The following PDE12 variants were observed in gnomAD, a reference collection of about 807,000 sequenced individuals.
PDE12 encodes the protein phosphodiesterase 12, also known as 2',5'-phosphodiesterase 12.
A neutral mutation model predicts 45.4 loss-of-function variants in PDE12; 26 were observed. The ratio of observed to expected loss-of-function variants is 0.57; its 90% CI spans 0.42 to 0.79. The LOEUF (loss-of-function observed/expected upper bound fraction) is 0.79. Among genes scored for constraint, PDE12 ranks in the 30% least tolerant of loss-of-function variants. PDE12 has a pLI of 0.00. For missense variants in PDE12, 668 were observed against 790.0 expected, an observed-to-expected ratio of 0.85 and a Z score of 1.85; for synonymous variants, 283 against 323.9, an observed-to-expected ratio of 0.87 and a Z score of 1.36.
the PDE12 span, among the ~76,000 whole-genome samples, chr3:57,606,372 A>G: frequency 1.3e-5 from 2 of 152,178 alleles, no homozygotes; most frequent in African/African-American, 4.8e-5. Context: ...CTAGAAATCT[A>G]TGTCCAGCAA....
the PDE12 span, among the ~76,000 whole-genome samples, chr3:57,608,656 G>C: frequency 6.6e-6 from 1 of 151,914 alleles, no homozygotes; most frequent in African/African-American, 2.4e-5. Flanking sequence ...ATTACATAAT[G>C]GTAAAGGGAT....
At chr3:57,575,760 AAAT>A in the PDE12 span, 202 of 1,361,446 alleles carry the variant, frequency 1.5e-4, no homozygotes, top group South Asian at 2.9e-3. Flanking sequence ...ACTCAGCATT[AAAT>A]ACATTATTAA....
chr3:57,613,211 G>C, the PDE12 span, among the ~76,000 whole-genome samples: 1 of 150,538 alleles, frequency 6.6e-6, no homozygotes, highest in Non-Finnish European at 1.5e-5. Flanking sequence ...AAACTCCTGA[G>C]CTCAGGCAAT....
rs2069787277 is a variant in PDE12, at chr3:57,566,440, A to G, written c.*6436A>G. The G allele has an allele frequency of 6.6e-6, 1 of 152,160 alleles. No homozygotes were observed. The highest frequency in any genetic ancestry group is 2.4e-5 in the African/African-American group (1 of 41,422). The allele number at this position is 152,160 out of a possible 1,614,324, so 9.4% of individuals were successfully genotyped here. A position where few individuals can be genotyped will look rare whatever the true frequency, so the allele number is the denominator to read the frequency against. Reference sequence around the variant, plus strand: ...TTCTATGAATAATGCTGCCATAAACATTTGTGATAAGTTTTTGAGTGAATA... The same window carrying G: ...TTCTATGAATAATGCTGCCATAAACGTTTGTGATAAGTTTTTGAGTGAATA... On this transcript the variant is annotated 3_prime_UTR_variant, in exon 3 of 3. Transcript: ENST00000311180.
Position 57,562,461 on chromosome 3 carries a change from A to T in PDE12, c.*2457A>T, listed in dbSNP as rs2069737918. 2 of 152,234 alleles carry T rather than the reference A, an allele frequency of 1.3e-5. No individual in the cohort carries two copies. The highest frequency in any genetic ancestry group is 1.3e-4 in the Admixed American group (2 of 15,274). The allele number at this position is 152,234 out of a possible 1,614,324, so 9.4% of individuals were successfully genotyped here. A position where few individuals can be genotyped will look rare whatever the true frequency, so the allele number is the denominator to read the frequency against. On this transcript the variant is annotated 3_prime_UTR_variant, in exon 3 of 3. Coordinates refer to ENST00000311180, the MANE Select transcript of PDE12 (RefSeq NM_177966.7). ...AAGGTAGGGAACACTAAGAAAATGTATAAATAGCATACACATTTCTTTGTA... is the reference window on the plus strand; with the variant it reads ...AAGGTAGGGAACACTAAGAAAATGTTTAAATAGCATACACATTTCTTTGTA...
At chr3:57,630,981 A>G in the PDE12 span, 2 of 1,610,332 alleles carry the variant, frequency 1.2e-6, no homozygotes, top group Non-Finnish European at 1.7e-6. Context: ...TATCTTTCCT[A>G]AAACCAAGAA....
chr3:57,557,131 C>G lies in PDE12; in HGVS notation c.752C>G (p.Thr251Ser), dbSNP rs777571624. Residue 251 changes from threonine (T) to serine (S), a missense_variant, in exon 1 of 3, where the codon ACC (threonine) becomes AGC (serine). Physicochemically the swap from Thr to Ser is moderately conservative, Grantham distance 58 (BLOSUM62 1). This residue lies in a region of PDE12 where 580 missense variants were observed against 662.9 expected (regional missense o/e 0.87). Coordinates refer to ENST00000311180, the MANE Select transcript of PDE12 (RefSeq NM_177966.7). ...DIGLRLKLHC[T>S]PGDGQRFGHS... ...GGGCTAAGGCTCAAGCTTCACTGCA[C>G]CCCAGGCGATGGGCAGCGCTTTGGG... 6.2e-7 allele frequency: 1 copy of G among 1,614,068 alleles called. No homozygotes were observed. Among genetic ancestry groups the G allele is most frequent in the Admixed American group, 1.7e-5 (1 of 60,006 alleles).
chr3:57,655,516 T>A, the PDE12 span, among the ~76,000 whole-genome samples: 1 of 152,190 alleles, frequency 6.6e-6, no homozygotes, highest in Non-Finnish European at 1.5e-5. Flanking sequence ...TCCAAAAGGT[T>A]TTGAGCATTG....
chr3:57,622,255 CATA>C, the PDE12 span, among the ~76,000 whole-genome samples: 1 of 152,080 alleles, frequency 6.6e-6, no homozygotes, highest in South Asian at 2.1e-4. Context: ...TAGGAAGTTA[CATA>C]ATAAGCAAAA....
chr3:57,651,268 C>T, the PDE12 span, among the ~76,000 whole-genome samples: 14 of 152,154 alleles, frequency 9.2e-5, no homozygotes, highest in African/African-American at 3.4e-4. Context: ...ATATCAAAAA[C>T]GCACTTTCAA....
chr3:57,645,536 C>A, the PDE12 span: 1 of 569,304 alleles, frequency 1.8e-6, no homozygotes, highest in South Asian at 2.8e-5. Flanking sequence ...AAATTATTTC[C>A]AGCAGCTCCT....
At chr3:57,591,658 G>T in the PDE12 span, among the ~76,000 whole-genome samples, 7 of 151,936 alleles carry the variant, frequency 4.6e-5, no homozygotes, top group Admixed American at 4.6e-4. Context: ...GTATAGATGG[G>T]GTTTCACTAT....
chr3:57,626,617 G>C, the PDE12 span: 1 of 152,070 alleles, frequency 6.6e-6, no homozygotes, highest in South Asian at 2.1e-4. Flanking sequence ...GCTGAGGCAG[G>C]ACAATCACTT....
chr3:57,578,768 G>A, the PDE12 span, among the ~76,000 whole-genome samples: 5 of 152,026 alleles, frequency 3.3e-5, no homozygotes, highest in African/African-American at 4.8e-5. Context: ...CATGAGCCAT[G>A]GCACCTGGCC....
rs994291709 is a variant in PDE12, at chr3:57,564,983, C to T, written c.*4979C>T. ...GACATGAGCCACCCCACCCAGTCAG[C>T]ACACATTTTTTTTTTTTTTAAATAA... On this transcript the variant is annotated 3_prime_UTR_variant, in exon 3 of 3. Transcript: ENST00000311180. 6 of 151,474 alleles carry T rather than the reference C, an allele frequency of 4.0e-5. No homozygotes were observed. Among genetic ancestry groups the T allele is most frequent in the African/African-American group, 1.5e-4 (6 of 41,100 alleles). The allele number at this position is 151,474 out of a possible 1,614,324, so 9.4% of individuals were successfully genotyped here.
chr3:57,583,142 T>C, the PDE12 span, among the ~76,000 whole-genome samples: 2 of 152,178 alleles, frequency 1.3e-5, no homozygotes, highest in Non-Finnish European at 2.9e-5. Context: ...ACCAGACCAG[T>C]AGTATCAGCA....
At position 57,556,878 on chromosome 3, in the gene PDE12, C is replaced by G. The variant is rs2069667891; in HGVS notation, c.499C>G (p.Leu167Val). The G allele has an allele frequency of 5.0e-6, 8 of 1,614,052 alleles. No homozygotes were observed. The Admixed American group carries it at 1.3e-4, about 27-fold the overall frequency. Residue 167 changes from leucine (L) to valine (V), a missense_variant, in exon 1 of 3, where the codon CTG becomes GTG. This residue lies in a region of PDE12 where 580 missense variants were observed against 662.9 expected (regional missense o/e 0.87). Coordinates refer to ENST00000311180, the MANE Select transcript of PDE12 (RefSeq NM_177966.7). This position sits in a 1 kb window ranked among gnomAD's most constrained non-coding sequence, Gnocchi z 5.0. ...VERNPPAFTELQLPRYIMAGF... is the reference protein window; with the variant it reads ...VERNPPAFTEVQLPRYIMAGF... ...GCGCAACCCGCCCGCCTTCACCGAA[C>G]TGCAGTTGCCGCGCTACATCATGGC...
At chr3:57,654,717 G>A in the PDE12 span, 1 of 984,642 alleles carries the variant, frequency 1.0e-6, no homozygotes, top group African/African-American at 1.7e-5. Flanking sequence ...GTGGTCCATG[G>A]AATAGACCTT....
At chr3:57,630,691 G>A in the PDE12 span, 2 of 1,604,284 alleles carry the variant, frequency 1.2e-6, no homozygotes, top group Non-Finnish European at 1.7e-6. Context: ...ACACATGGGT[G>A]TAAAACAGGG....
Sources: gnomAD v4.1 joint callset for allele counts (sites outside exome capture counted in the v4.1 genomes callset) on GRCh38, gnomAD v4.1.1 for gene constraint, gnomAD v4.1.1 regional missense constraint, Gnocchi (gnomAD v3.1) non-coding constraint, MANE v1.5 for transcripts, NCBI Gene and HGNC (gene_info 2026-07-23, HGNC 2026-07-21) for gene names.